Variants in CEP43 observed in about 807,000 individuals in gnomAD.
The protein encoded by CEP43 is FGFR1 oncogene partner.
CEP43 carries 36 observed loss-of-function variants against 52.6 expected under a neutral mutation model. The ratio of observed to expected loss-of-function variants is 0.68; its 90% confidence interval spans 0.52 to 0.90. The LOEUF (loss-of-function observed/expected upper bound fraction) is 0.90, where lower values mean the gene tolerates loss of function less well. CEP43 is among the 40% of genes least tolerant of loss of function. The pLI is 0.00. For synonymous variants in CEP43, 192 were observed against 172.4 expected (o/e 1.11, Z -0.89); for missense variants, 506 against 472.8 (o/e 1.07, Z -0.65).
intron 1 of CEP43, 21 bp downstream of exon 1, chr6:166,999,535 C>G: frequency 7.2e-7 from 1 of 1,386,804 alleles, no homozygotes; most frequent in Non-Finnish European, 9.5e-7. Context: ...AGGCTGGGGC[C>G]GGGCCTGGCG....
intron 8 of CEP43, 80 bp from the exon 9 acceptor site, chr6:167,024,702 G>A (rs1780314997): frequency 1.1e-6 from 1 of 916,234 alleles, no homozygotes; most frequent in African/African-American, 1.7e-5. Context: ...TCTTTAAGTT[G>A]CTTTTGTTTC....
At position 167,050,207 on chromosome 6, in the gene CEP43, C is replaced by T. The variant is rs57628571; in HGVS notation, c.*10229C>T. On this transcript the variant is annotated 3_prime_UTR_variant, in exon 13 of 13. Transcript: ENST00000366847. ...GTTTTATAAGCATCTGGCATTTCCCCTGCTTGCACTCAGGCTGTCCTGCCA... is the reference window on the plus strand; with the variant it reads ...GTTTTATAAGCATCTGGCATTTCCCTTGCTTGCACTCAGGCTGTCCTGCCA... The T allele has an allele frequency of 0.017, 2,621 of 152,812 alleles. 72 individuals are homozygous for T. The highest frequency in any genetic ancestry group is 0.059 in the African/African-American group (2,451 of 41,532). 9.5% of individuals were successfully genotyped at this position (152,812 alleles called of 1,614,324 possible).
Position 167,046,250 on chromosome 6 carries a change from C to T in CEP43, c.*6272C>T, listed in dbSNP as rs1485187042. ...TTATTGCAGGGTTCACTTATTTGAT[C>T]TACCCCAACTTAACACACATTTCCA... On this transcript the variant is annotated 3_prime_UTR_variant, in exon 13 of 13. Transcript: ENST00000366847. 1 of 151,948 alleles carries T rather than the reference C, an allele frequency of 6.6e-6. No individual in the cohort carries two copies. 9.4% of individuals were successfully genotyped at this position (151,948 alleles called of 1,614,324 possible).
chr6:167,028,281 G>T (rs1172273454), intron 10 of CEP43: 2 of 985,266 alleles, frequency 2.0e-6, no homozygotes, highest in African/African-American at 3.5e-5. Flanking sequence ...GCCGAGAATT[G>T]TCATCCTCAG....
chr6:167,000,845 G>T (rs1479669722), intron 2 of CEP43, among the ~76,000 whole-genome samples: 1 of 152,168 alleles, frequency 6.6e-6, no homozygotes, highest in Non-Finnish European at 1.5e-5. Flanking sequence ...TGCCTTAACG[G>T]TCATACGTGG....
intron 5 of CEP43, among the ~76,000 whole-genome samples, chr6:167,005,528 C>T (rs1316096527): frequency 2.0e-5 from 3 of 152,124 alleles, no homozygotes; most frequent in East Asian, 1.9e-4. Flanking sequence ...AAGGGCTTTC[C>T]GAGAAGTTGG....
At chr6:167,005,692 C>T (rs162283) in intron 5 of CEP43, among the ~76,000 whole-genome samples, 1,831 of 152,184 alleles carry the variant, frequency 0.012, 40 homozygotes, top group African/African-American at 0.042. Context: ...TTTTATTGTG[C>T]GCTTATTTGA....
intron 3 of CEP43, 89 bp from the exon 4 acceptor site, chr6:167,003,634 A>G (rs1297927014): frequency 4.1e-6 from 3 of 734,684 alleles, no homozygotes; most frequent in East Asian, 5.4e-5. Context: ...CCTTTCTTCC[A>G]TTAATTTAGT....
At position 167,044,555 on chromosome 6, in the gene CEP43, A is replaced by G; in HGVS notation, c.*4577A>G. On this transcript the variant is annotated 3_prime_UTR_variant, in exon 13 of 13. Transcript: ENST00000366847. ...CGGGTGAATGAGAGTGGCAGACAGA[A>G]GGAAACAGCAAGGCCTCTGAGGTAG... is the stretch of plus-strand genomic sequence containing the variant. 4 of 985,368 alleles carry G rather than the reference A, an allele frequency of 4.1e-6. No individual in the cohort carries two copies. The highest frequency in any genetic ancestry group is 4.8e-6 in the Non-Finnish European group (4 of 829,828). The allele number at this position is 985,368 out of a possible 1,614,324, so 61.0% of individuals were successfully genotyped here. A position where few individuals can be genotyped will look rare whatever the true frequency, so the allele number is the denominator to read the frequency against.
chr6:167,040,016 G>A lies in CEP43; in HGVS notation c.*38G>A, dbSNP rs754159689. 122 of 1,584,292 alleles carry A rather than the reference G, an allele frequency of 7.7e-5. 1 individual carries two copies. The highest frequency in any genetic ancestry group is 1.0e-4 in the Non-Finnish European group (117 of 1,169,464). On this transcript the variant is annotated 3_prime_UTR_variant, in exon 13 of 13. Coordinates refer to ENST00000366847, the MANE Select transcript of CEP43 (RefSeq NM_007045.4). Reference sequence around the variant, plus strand: ...AAGTATTCTAATTAACAAGGACAGAGGACTGACCGGTTCCATTTTTTTTTT... The same window carrying A: ...AAGTATTCTAATTAACAAGGACAGAAGACTGACCGGTTCCATTTTTTTTTT...
chr6:167,004,120 T>C, intron 4 of CEP43, 144 bp from the exon 5 acceptor site: 1 of 917,464 alleles, frequency 1.1e-6, no homozygotes, highest in Non-Finnish European at 1.6e-6. Flanking sequence ...ATAGGCATAA[T>C]TTTTTAAAAT....
intron 10 of CEP43, among the ~76,000 whole-genome samples, chr6:167,031,464 G>C (rs1780469672): frequency 6.6e-6 from 1 of 152,200 alleles, no homozygotes; most frequent in Non-Finnish European, 1.5e-5. Context: ...ACCTCTAGGG[G>C]ACCTAGTCAT....
At chr6:167,003,362 C>T (rs2128657174) in intron 3 of CEP43, 115 bp downstream of exon 3, 1 of 554,558 alleles carries the variant, frequency 1.8e-6, no homozygotes, top group South Asian at 2.9e-5. Flanking sequence ...GTTATAGGTC[C>T]TCATTTTAAA....
chr6:167,015,224 G>A, intron 7 of CEP43, among the ~76,000 whole-genome samples: 1 of 152,186 alleles, frequency 6.6e-6, no homozygotes, highest in East Asian at 1.9e-4. Flanking sequence ...TTGTGTTCCT[G>A]AGGCCAGGAT....
Position 167,045,348 on chromosome 6 carries a change from CACCCCTCCCCG to C in CEP43, c.*5371_*5381del, listed in dbSNP as rs1780777141. The C allele has an allele frequency of 7.5e-6, 1 of 132,840 alleles. No homozygotes were observed. 8.2% of individuals were successfully genotyped at this position (132,840 alleles called of 1,614,324 possible). A position where few individuals can be genotyped will look rare whatever the true frequency, so the allele number is the denominator to read the frequency against. ...TGAACTCCTGACCTATGGTGATCCG[CACCCCTCCCCG>C]CCCCCCCCGCGGCCCAGCCTCCCAA... On this transcript the variant is annotated 3_prime_UTR_variant, in exon 13 of 13. Coordinates refer to ENST00000366847, the MANE Select transcript of CEP43 (RefSeq NM_007045.4).
chr6:167,011,159 C>T (rs901400679), intron 6 of CEP43, among the ~76,000 whole-genome samples: 8 of 152,124 alleles, frequency 5.3e-5, no homozygotes, highest in South Asian at 2.1e-4. Flanking sequence ...TTTGGTACTT[C>T]GGACATTTTC....
At position 167,041,480 on chromosome 6, in the gene CEP43, A is replaced by G. The variant is rs2128669498; in HGVS notation, c.*1502A>G. ...TCTTAGTAAACAGCACCACGTGCAG[A>G]TGTAATCTTGTTGCAGTCCCCCAGT... On this transcript the variant is annotated 3_prime_UTR_variant, in exon 13 of 13. Coordinates refer to ENST00000366847, the MANE Select transcript of CEP43 (RefSeq NM_007045.4). 1 of 1,058,848 alleles carries G rather than the reference A, an allele frequency of 9.4e-7. No homozygotes were observed. Among genetic ancestry groups the G allele is most frequent in the East Asian group, 5.2e-5 (1 of 19,278 alleles). 65.6% of individuals were successfully genotyped at this position (1,058,848 alleles called of 1,614,324 possible).
chr6:167,009,004 C>T (rs1441357324), intron 5 of CEP43, among the ~76,000 whole-genome samples: 1 of 152,102 alleles, frequency 6.6e-6, no homozygotes, highest in African/African-American at 2.4e-5. Context: ...CCTGTAATTC[C>T]AGCACTTTGG....
intron 9 of CEP43, 140 bp from the exon 10 acceptor site, chr6:167,026,407 A>T: frequency 4.6e-6 from 3 of 648,756 alleles, no homozygotes; most frequent in South Asian, 1.8e-5. Flanking sequence ...CATTAATCAC[A>T]GTTTATTTTT....
Sources: gnomAD v4.1 joint callset for allele counts (sites outside exome capture counted in the v4.1 genomes callset) on GRCh38, gnomAD v4.1.1 for gene constraint, MANE v1.5 for transcripts, NCBI Gene and HGNC (gene_info 2026-07-23, HGNC 2026-07-21) for gene names.